The following STXBP6 variants were observed in gnomAD, a reference collection of about 807,000 sequenced individuals.
STXBP6 encodes syntaxin-binding protein 6.
Under a neutral mutation model 26.9 loss-of-function variants are expected in STXBP6, and 21 were observed. That is an observed-to-expected ratio of 0.78 (90% confidence interval 0.55 to 1.12). STXBP6 has a LOEUF of 1.12. STXBP6 is among the 50% of genes most tolerant of loss of function. The pLI is 0.00. For synonymous variants in STXBP6, 97 were observed against 92.6 expected, an observed-to-expected ratio of 1.05 and a Z score of -0.27; for missense variants, 232 against 257.9, an observed-to-expected ratio of 0.90 and a Z score of 0.69.
At chr14:25,045,635 C>T (rs2075715312) in intron 1 of STXBP6, among the ~76,000 whole-genome samples, 1 of 141,228 alleles carries the variant, frequency 7.1e-6, no homozygotes, top group Admixed American at 7.4e-5. Context: ...TGGAGATTCA[C>T]TCTTGTTGCC....
chr14:25,041,566 T>C (rs1203905720), intron 1 of STXBP6, among the ~76,000 whole-genome samples: 2 of 152,130 alleles, frequency 1.3e-5, no homozygotes, highest in Admixed American at 6.6e-5. Context: ...AGTCAACATA[T>C]TTCTAGGCAG....
intron 2 of STXBP6, among the ~76,000 whole-genome samples, chr14:24,869,224 T>G (rs12886050): frequency 0.16 from 24,627 of 152,206 alleles, 2,360 homozygotes; most frequent in Non-Finnish European, 0.23. Context: ...TATCTCTCTT[T>G]TTTTAAATCC....
intron 1 of STXBP6, among the ~76,000 whole-genome samples, chr14:25,045,380 C>A (rs2075709239): frequency 6.6e-6 from 1 of 151,970 alleles, no homozygotes; most frequent in Non-Finnish European, 1.5e-5. Flanking sequence ...TAATACCCAC[C>A]CCAACAGCAC....
chr14:24,856,230 C>G (rs2069329513), intron 3 of STXBP6, 129 bp from the exon 4 acceptor site: 2 of 900,864 alleles, frequency 2.2e-6, no homozygotes, highest in East Asian at 2.9e-5. Flanking sequence ...TCATCTTTAT[C>G]CAAGTGTATG....
chr14:24,819,988 T>C (rs2068092861), intron 4 of STXBP6, among the ~76,000 whole-genome samples: 3 of 152,186 alleles, frequency 2.0e-5, no homozygotes, highest in Non-Finnish European at 4.4e-5. Flanking sequence ...TTGAAAGCCA[T>C]TGCATCTCAG....
intron 4 of STXBP6, among the ~76,000 whole-genome samples, chr14:24,847,672 T>G (rs1490563069): frequency 6.6e-6 from 1 of 152,164 alleles, no homozygotes; most frequent in Non-Finnish European, 1.5e-5. Context: ...GTTTTGGAAG[T>G]AGAAAGAGGT....
At chr14:24,987,799 G>C in intron 1 of STXBP6, 3 of 976,474 alleles carry the variant, frequency 3.1e-6, no homozygotes, top group Non-Finnish European at 3.7e-6. Flanking sequence ...GAGATGCAGA[G>C]TGGTGTGAAC....
chr14:24,962,287 T>TTTTA lies in STXBP6; in HGVS notation c.154+12374_154+12377dup, dbSNP rs72330952. Among the ~76,000 whole-genome samples, 1,017 of 140,252 alleles carry TTTTA rather than the reference T, an allele frequency of 7.3e-3. 8 individuals are homozygous for TTTTA. The highest frequency in any genetic ancestry group is 0.013 in the Admixed American group (177 of 13,952). The allele number at this position is 140,252 out of a possible 152,430, so 92.0% of individuals were successfully genotyped here. A position where few individuals can be genotyped will look rare whatever the true frequency, so the allele number is the denominator to read the frequency against. On this transcript the variant is annotated intron_variant, in intron 2 of 5. Transcript: ENST00000323944. Reference sequence around the variant, plus strand: ...TGTTAAGCGCACAAAGTACAAGATATTTTATTTATTTATTTATTTATTTAT... The same window carrying TTTTA: ...TGTTAAGCGCACAAAGTACAAGATATTTTATTTATTTATTTATTTATTTATTTAT...
intron 1 of STXBP6, among the ~76,000 whole-genome samples, chr14:25,040,482 C>G (rs2075625255): frequency 6.6e-6 from 1 of 152,174 alleles, no homozygotes; most frequent in South Asian, 2.1e-4. Flanking sequence ...AGATAAGTAA[C>G]AGTACCTACC....
At chr14:25,033,370 C>T (rs2075495626) in intron 1 of STXBP6, among the ~76,000 whole-genome samples, 1 of 152,216 alleles carries the variant, frequency 6.6e-6, no homozygotes, top group South Asian at 2.1e-4. Flanking sequence ...AACTTCTAAA[C>T]TGGTCCACCG....
At chr14:24,872,339 G>A (rs866396654) in intron 2 of STXBP6, among the ~76,000 whole-genome samples, 2 of 152,084 alleles carry the variant, frequency 1.3e-5, no homozygotes, top group African/African-American at 4.8e-5. Flanking sequence ...TAAGATAACC[G>A]GCCACAGTTC....
intron 2 of STXBP6, among the ~76,000 whole-genome samples, chr14:24,948,739 T>G (rs1276193768): frequency 6.6e-6 from 1 of 152,112 alleles, no homozygotes; most frequent in Non-Finnish European, 1.5e-5. Context: ...TTTCAAAAAT[T>G]AATAGCAGGT....
At chr14:24,866,341 CTT>C (rs1358023314) in intron 2 of STXBP6, among the ~76,000 whole-genome samples, 1 of 151,494 alleles carries the variant, frequency 6.6e-6, no homozygotes, top group African/African-American at 2.4e-5. Context: ...AAATAAATCT[CTT>C]TTATATATAT....
At chr14:24,861,853 T>G (rs1370716532) in intron 2 of STXBP6, among the ~76,000 whole-genome samples, 2 of 152,200 alleles carry the variant, frequency 1.3e-5, no homozygotes, top group African/African-American at 4.8e-5. Flanking sequence ...CCAGACCAAC[T>G]TGTGAAATGG....
intron 3 of STXBP6, 96 bp downstream of exon 3, chr14:24,856,931 A>T: frequency 7.0e-7 from 1 of 1,422,668 alleles, no homozygotes; most frequent in Non-Finnish European, 9.4e-7. Context: ...TAGCCTTCTT[A>T]AGAATGATTC....
At chr14:24,831,087 A>T (rs1470457870) in intron 4 of STXBP6, among the ~76,000 whole-genome samples, 1 of 152,208 alleles carries the variant, frequency 6.6e-6, no homozygotes, top group Non-Finnish European at 1.5e-5. Context: ...ACCTAAACAG[A>T]TGAGCTAAAC....
chr14:25,049,656 CCT>C lies in STXBP6; in HGVS notation c.-33+220_-33+221del, dbSNP rs2075775171. 5 of 985,558 alleles carry C rather than the reference CCT, an allele frequency of 5.1e-6. No homozygotes were observed. The African/African-American group carries it at 5.2e-5, about 10-fold the overall frequency. 61.1% of individuals were successfully genotyped at this position (985,558 alleles called of 1,614,324 possible). On this transcript the variant is annotated intron_variant, in intron 1 of 5. Transcript: ENST00000323944. This position sits in a 1 kb window ranked among gnomAD's most constrained non-coding sequence, Gnocchi z 5.6. ...TTGGAGAGAACCAGGGACACGAGTC[CCT>C]CTCTGCGCGCACAAAGCAGCTGCGC...
chr14:24,953,535 G>A (rs1274954720), intron 2 of STXBP6, among the ~76,000 whole-genome samples: 3 of 152,050 alleles, frequency 2.0e-5, no homozygotes, highest in Admixed American at 1.3e-4. Flanking sequence ...CACGCTTTCC[G>A]CATGTCCCCA....
At chr14:24,827,884 TAGAAAATCCTTAA>T (rs2068336193) in intron 4 of STXBP6, among the ~76,000 whole-genome samples, 1 of 152,200 alleles carries the variant, frequency 6.6e-6, no homozygotes, top group Admixed American at 6.5e-5. Context: ...TGACAGATTA[TAGAAAATCCTTAA>T]AGTTTTATCA....
Sources: gnomAD v4.1 joint callset for allele counts (sites outside exome capture counted in the v4.1 genomes callset) on GRCh38, gnomAD v4.1.1 for gene constraint, Gnocchi (gnomAD v3.1) non-coding constraint, MANE v1.5 for transcripts, NCBI Gene and HGNC (gene_info 2026-07-23, HGNC 2026-07-21) for gene names.